HMCN1: variants seen among roughly 807,000 people sequenced by gnomAD.
HMCN1 encodes hemicentin-1.
Under a neutral mutation model 625.9 loss-of-function variants are expected in HMCN1, and 321 were observed. That is an observed-to-expected ratio of 0.51 (90% CI 0.47 to 0.56). The LOEUF is 0.56. HMCN1 is among the 20% of genes least tolerant of loss of function. HMCN1 has a pLI of 0.00. For synonymous variants in HMCN1, 2,425 were observed against 2,417.6 expected (o/e 1.00, Z -0.09); for missense variants, 6,588 against 6,887.3 (o/e 0.96, Z 1.54).
At chr1:186,093,849 CTTAT>C (rs1201516320) in intron 66 of HMCN1, among the ~76,000 whole-genome samples, 180 bp downstream of exon 66, 4 of 151,752 alleles carry the variant, frequency 2.6e-5, no homozygotes, top group Non-Finnish European at 5.9e-5. Flanking sequence ...ATTTTTTATC[CTTAT>C]TTAAGTGCTT....
chr1:185,858,794 G>C lies in HMCN1; in HGVS notation c.340-5676G>C, dbSNP rs75991698. Among the ~76,000 whole-genome samples the C allele has an allele frequency of 2.4e-3, 359 of 150,810 alleles. 1 individual carries two copies. The highest frequency in any genetic ancestry group is 8.3e-3 in the African/African-American group (342 of 41,088). On this transcript the variant is annotated intron_variant, in intron 2 of 106. Coordinates refer to ENST00000271588, the MANE Select transcript of HMCN1 (RefSeq NM_031935.3). ...TTAAGTTTGGAAATAAAACTTACAA[G>C]AGTTTGTTCTTATAGTTTCAGTCAC...
At chr1:185,946,297 G>GAAAAA (rs1668341969) in intron 11 of HMCN1, among the ~76,000 whole-genome samples, 2 of 122,056 alleles carry the variant, frequency 1.6e-5, no homozygotes, top group South Asian at 2.6e-4. Context: ...TTTGATTCTG[G>GAAAAA]GACTTTTACG....
At chr1:186,092,388 A>T (rs189549801) in intron 64 of HMCN1, among the ~76,000 whole-genome samples, 4 of 151,924 alleles carry the variant, frequency 2.6e-5, no homozygotes. Flanking sequence ...TATAGCTCTC[A>T]ATAAACATTT....
chr1:185,853,653 C>T (rs962900482), intron 2 of HMCN1, among the ~76,000 whole-genome samples: 1 of 151,986 alleles, frequency 6.6e-6, no homozygotes, highest in African/African-American at 2.4e-5. Flanking sequence ...AATGTTTGAC[C>T]CTTTTTTAGG....
At position 186,125,816 on chromosome 1, in the gene HMCN1, A is replaced by AGAT. The variant is rs544486012; in HGVS notation, c.12690+23_12690+25dup. On this transcript the variant is annotated intron_variant, in intron 82 of 106. Coordinates refer to ENST00000271588, the MANE Select transcript of HMCN1 (RefSeq NM_031935.3). ...TGTGGTAAGTTTAATGGACGTGAAC[A>AGAT]GATACATTAAGCCAGATTGTAAATT... 1.5e-4 allele frequency: 230 copies of AGAT among 1,573,920 alleles called. No homozygotes were observed. In the African/African-American group the frequency reaches 2.6e-3, roughly 18 times the overall value.
intron 24 of HMCN1, 86 bp from the exon 25 acceptor site, chr1:185,997,343 C>A: frequency 1.2e-6 from 1 of 811,710 alleles, no homozygotes. Flanking sequence ...GATAGCAACT[C>A]ATCAGTGCAG....
intron 5 of HMCN1, 146 bp from the exon 6 acceptor site, chr1:185,911,528 G>C: frequency 1.4e-6 from 1 of 737,914 alleles, no homozygotes; most frequent in Non-Finnish European, 2.5e-6. Context: ...AGACTCTTTG[G>C]GTTAGTTTGC....
In HMCN1 at chr1:185,970,434, C is replaced by T. The variant is rs761490803; in HGVS notation, c.2312C>T (p.Thr771Ile). The part of the protein sequence containing the change: ...ETQDLDAGDY[T>I]CVAINEAGRA... Reference sequence around the variant, plus strand: ...CAAGATCTGGATGCTGGCGATTATACCTGTGTAGCCATCAATGAGGCTGGA... The same window carrying T: ...CAAGATCTGGATGCTGGCGATTATATCTGTGTAGCCATCAATGAGGCTGGA... Residue 771 changes from threonine to isoleucine, a missense_variant, in exon 15 of 107, where the codon ACC (threonine) becomes ATC (isoleucine). Coordinates refer to ENST00000271588, the MANE Select transcript of HMCN1 (RefSeq NM_031935.3). The T allele has an allele frequency of 6.2e-7, 1 of 1,613,596 alleles. No individual in the cohort carries two copies. The highest frequency in any genetic ancestry group is 1.1e-5 in the South Asian group (1 of 91,080).
At chr1:185,885,455 T>C (rs919647289) in intron 4 of HMCN1, among the ~76,000 whole-genome samples, 2 of 151,966 alleles carry the variant, frequency 1.3e-5, no homozygotes, top group African/African-American at 4.8e-5. Context: ...TCATGTTACA[T>C]AGGTAAATAT....
At chr1:186,060,323 G>C (rs947571139) in intron 46 of HMCN1, among the ~76,000 whole-genome samples, 7 of 152,080 alleles carry the variant, frequency 4.6e-5, no homozygotes, top group African/African-American at 1.7e-4. Flanking sequence ...TTCAAATTCA[G>C]GGTGCTAAGC....
At chr1:185,924,314 C>G (rs929270394) in intron 8 of HMCN1, among the ~76,000 whole-genome samples, 1 of 146,814 alleles carries the variant, frequency 6.8e-6, no homozygotes, top group African/African-American at 2.5e-5. Flanking sequence ...CACTGCAAGC[C>G]CCGCCTCCCG....
At chr1:185,780,186 T>C (rs1049517891) in intron 1 of HMCN1, among the ~76,000 whole-genome samples, 14 of 152,318 alleles carry the variant, frequency 9.2e-5, no homozygotes, top group Middle Eastern at 3.4e-3. Flanking sequence ...GTGATTTTTG[T>C]GCATTGATTT....
intron 1 of HMCN1, among the ~76,000 whole-genome samples, chr1:185,799,459 T>C (rs1223420498): frequency 6.6e-6 from 1 of 152,158 alleles, no homozygotes; most frequent in Non-Finnish European, 1.5e-5. Flanking sequence ...TAGGAAGACT[T>C]GTCCTCAGAT....
intron 4 of HMCN1, among the ~76,000 whole-genome samples, chr1:185,890,155 C>T (rs1571509753): frequency 1.3e-5 from 2 of 151,042 alleles, no homozygotes; most frequent in Middle Eastern, 3.4e-3. Context: ...TTGGTGGTGA[C>T]ATCCCCTTTA....
At chr1:186,122,609 T>C (rs1462631900) in intron 80 of HMCN1, among the ~76,000 whole-genome samples, 1 of 152,246 alleles carries the variant, frequency 6.6e-6, no homozygotes, top group Non-Finnish European at 1.5e-5. Context: ...GAAGTTTAAA[T>C]ACCTAAAGTG....
chr1:185,992,768 C>T (rs1398598268), intron 22 of HMCN1, among the ~76,000 whole-genome samples: 1 of 152,148 alleles, frequency 6.6e-6, no homozygotes, highest in Non-Finnish European at 1.5e-5. Flanking sequence ...CTGGCTCACC[C>T]AGCTGCATTA....
rs1378794483 is a variant in HMCN1, at chr1:186,015,408, C to A, written c.4880C>A (p.Ala1627Asp). The A allele has an allele frequency of 3.1e-6, 5 of 1,613,592 alleles. No homozygotes were observed. The highest frequency in any genetic ancestry group is 3.3e-5 in the Admixed American group (2 of 59,970). Residue 1627 changes from alanine to aspartate, a missense_variant, in exon 31 of 107, where the codon GCT (alanine) becomes GAT (aspartate). Coordinates refer to ENST00000271588, the MANE Select transcript of HMCN1 (RefSeq NM_031935.3). ...CATGTAGCCAATGTTGCTGGAACTG[C>A]TGAAAAATCATTCCATGTGGATGTC... The part of the protein sequence containing the change: ...TCHVANVAGT[A>D]EKSFHVDVYV...
chr1:185,880,250 G>C (rs1664216802), intron 4 of HMCN1, among the ~76,000 whole-genome samples: 1 of 152,090 alleles, frequency 6.6e-6, no homozygotes, highest in Non-Finnish European at 1.5e-5. Context: ...CTTTGGTCTA[G>C]AAGAATCCAT....
At position 185,911,719 on chromosome 1, in the gene HMCN1, T is replaced by C. The variant is rs1666432800; in HGVS notation, c.839T>C (p.Ile280Thr). 5 of 1,613,614 alleles carry C rather than the reference T, an allele frequency of 3.1e-6. No individual in the cohort carries two copies. The East Asian group carries it at 1.1e-4, about 36-fold the overall frequency. Residue 280 changes from isoleucine (I) to threonine (T), a missense_variant, in exon 6 of 107, where the codon ATC (isoleucine) becomes ACC (threonine). Transcript: ENST00000271588. ...TTTGGCCTGCATGAGCTATTAAATA[T>C]CCATAACTCTGCCAAAGTAGTGAAT... is the stretch of plus-strand genomic sequence containing the variant. ...KGFGLHELLN[I>T]HNSAKVVNVK... is the part of the protein sequence containing the mutation.
Sources: allele counts gnomAD v4.1 joint callset (sites outside exome capture counted in the v4.1 genomes callset), GRCh38; gene constraint gnomAD v4.1.1; transcripts MANE v1.5; gene names NCBI Gene and HGNC (gene_info 2026-07-23, HGNC 2026-07-21).